Variants in XKR4 observed in about 807,000 individuals in gnomAD.
The protein encoded by XKR4 is XK-related protein 4.
In XKR4, 12 loss-of-function variants were observed where a neutral mutation model predicts 53.9. That is an observed-to-expected ratio of 0.22 (90% CI 0.14 to 0.36). The LOEUF is 0.36. Ranked by LOEUF, XKR4 falls within the 10% of genes least tolerant of loss-of-function variation. The pLI is 1.00. For missense variants in XKR4, 799 were observed against 859.5 expected, an observed-to-expected ratio of 0.93 and a Z score of 0.88; for synonymous variants, 354 against 362.4, an observed-to-expected ratio of 0.98 and a Z score of 0.26.
chr8:55,360,271 A>G (rs1803881187), intron 2 of XKR4, among the ~76,000 whole-genome samples: 1 of 152,214 alleles, frequency 6.6e-6, no homozygotes, highest in South Asian at 2.1e-4. Flanking sequence ...CAGCCCAGGC[A>G]ACACTCTGTG....
chr8:55,248,800 C>T (rs569455917), intron 1 of XKR4, among the ~76,000 whole-genome samples: 1 of 152,140 alleles, frequency 6.6e-6, no homozygotes, highest in Non-Finnish European at 1.5e-5. Context: ...GGGTCTCCTG[C>T]CTGCAGGCTG....
intron 2 of XKR4, among the ~76,000 whole-genome samples, chr8:55,360,841 G>T (rs1254010808): frequency 6.6e-6 from 1 of 152,242 alleles, no homozygotes; most frequent in Non-Finnish European, 1.5e-5. Context: ...AACACTGTCA[G>T]CTGCTTCTCC....
At chr8:55,133,476 G>T (rs1033137771) in intron 1 of XKR4, among the ~76,000 whole-genome samples, 1 of 152,128 alleles carries the variant, frequency 6.6e-6, no homozygotes, top group African/African-American at 2.4e-5. Context: ...TCAGTTCAAT[G>T]GTTGGTCTAA....
intron 1 of XKR4, among the ~76,000 whole-genome samples, chr8:55,205,956 C>T (rs187105568): frequency 8.3e-4 from 127 of 152,268 alleles, no homozygotes; most frequent in African/African-American, 2.6e-3. Flanking sequence ...TTCGTGGTCT[C>T]GCTGACTTCA....
intron 2 of XKR4, among the ~76,000 whole-genome samples, chr8:55,505,591 G>A (rs1482407409): frequency 6.6e-6 from 1 of 152,136 alleles, no homozygotes; most frequent in African/African-American, 2.4e-5. Context: ...TAAAGAGTAT[G>A]TAGTTTAATT....
intron 2 of XKR4, among the ~76,000 whole-genome samples, chr8:55,405,776 A>G (rs1174508681): frequency 6.6e-6 from 1 of 152,220 alleles, no homozygotes; most frequent in Non-Finnish European, 1.5e-5. Context: ...ACCTTATCAA[A>G]ACAGAGACAT....
intron 1 of XKR4, among the ~76,000 whole-genome samples, chr8:55,349,558 C>G (rs1803698580): frequency 6.6e-6 from 1 of 152,036 alleles, no homozygotes; most frequent in Non-Finnish European, 1.5e-5. Flanking sequence ...ATTTTGTTAC[C>G]ACGGTCCGTG....
Position 55,103,142 on chromosome 8 carries a change from C to T in XKR4, c.654C>T (p.Asn218=). The T allele has an allele frequency of 1.2e-6, 2 of 1,613,936 alleles. No individual in the cohort carries two copies. Among genetic ancestry groups the T allele is most frequent in the East Asian group, 2.2e-5 (1 of 44,858 alleles). ...CCACGCCGCAAAGGCAAGCATCTAA[C>T]GCCAGCAAGAGCAACATCGCCGCGG... ...RPSTPQRQAS[N]ASKSNIAAAN... Residue 218 remains asparagine, a synonymous_variant, in exon 1 of 3, where the codon AAC becomes AAT. Transcript: ENST00000327381.
chr8:55,352,616 A>C (rs1434868950), intron 1 of XKR4, among the ~76,000 whole-genome samples: 1 of 152,212 alleles, frequency 6.6e-6, no homozygotes, highest in African/African-American at 2.4e-5. Context: ...GCATTTACTG[A>C]ATGCTTACTA....
chr8:55,235,754 C>T (rs1818111205), intron 1 of XKR4, among the ~76,000 whole-genome samples: 1 of 152,072 alleles, frequency 6.6e-6, no homozygotes, highest in Non-Finnish European at 1.5e-5. Context: ...AAAATGTAAG[C>T]CAAACCAGTG....
At chr8:55,296,309 G>C (rs1036066914) in intron 1 of XKR4, among the ~76,000 whole-genome samples, 2 of 152,146 alleles carry the variant, frequency 1.3e-5, no homozygotes, top group African/African-American at 4.8e-5. Context: ...GCCACCCTCA[G>C]CTACTGCTAG....
chr8:55,432,260 A>G (rs1805114590), intron 2 of XKR4, among the ~76,000 whole-genome samples: 2 of 152,182 alleles, frequency 1.3e-5, no homozygotes. Context: ...TTTACTAGCT[A>G]TGTGACTTTG....
Position 55,427,138 on chromosome 8 carries a change from T to C in XKR4, c.1006+69261T>C, listed in dbSNP as rs542428043. Reference sequence around the variant, plus strand: ...AACATGTATTGGATAATAGCAGCATTATTGAATTTGATGTTCAGCAGTTAT... The same window carrying C: ...AACATGTATTGGATAATAGCAGCATCATTGAATTTGATGTTCAGCAGTTAT... On this transcript the variant is annotated intron_variant, in intron 2 of 2. Transcript: ENST00000327381. Among the ~76,000 whole-genome samples the C allele has an allele frequency of 3.3e-4, 50 of 152,334 alleles. 1 individual carries two copies. Among genetic ancestry groups the C allele is most frequent in the South Asian group, 1.2e-3 (6 of 4,824 alleles).
In XKR4 at chr8:55,451,473, C is replaced by G; in HGVS notation, c.1007-71808C>G. On this transcript the variant is annotated intron_variant, in intron 2 of 2. Coordinates refer to ENST00000327381, the MANE Select transcript of XKR4 (RefSeq NM_052898.2). The stretch of plus-strand genomic sequence containing the variant: ...GGTACTTCTCCTGCTCCAGGCTACT[C>G]GAGTCTGCCTGGAACTGGCCTGGAG... 3 of 1,239,842 alleles carry G rather than the reference C, an allele frequency of 2.4e-6. No homozygotes were observed. The South Asian group carries it at 3.9e-5, about 16-fold the overall frequency. The allele number at this position is 1,239,842 out of a possible 1,614,324, so 76.8% of individuals were successfully genotyped here.
chr8:55,104,364 C>T (rs1461687923), intron 1 of XKR4, among the ~76,000 whole-genome samples: 1 of 152,094 alleles, frequency 6.6e-6, no homozygotes, highest in African/African-American at 2.4e-5. Context: ...GTGGTATAAG[C>T]GAAATGAGGA....
chr8:55,124,635 T>C (rs992643780), intron 1 of XKR4, among the ~76,000 whole-genome samples: 8 of 152,226 alleles, frequency 5.3e-5, no homozygotes, highest in Admixed American at 5.2e-4. Flanking sequence ...TCTCAATAAT[T>C]TAGTGACATT....
chr8:55,454,668 G>C (rs560323334), intron 2 of XKR4: 2 of 968,404 alleles, frequency 2.1e-6, no homozygotes, highest in African/African-American at 1.6e-5. Context: ...TCCCAATTAC[G>C]TTCCCTGGGA....
intron 2 of XKR4, among the ~76,000 whole-genome samples, chr8:55,470,966 G>A (rs1267327836): frequency 6.6e-6 from 1 of 152,120 alleles, no homozygotes; most frequent in Non-Finnish European, 1.5e-5. Context: ...AGACAATGTG[G>A]CACCATCAGG....
chr8:55,478,992 T>G (rs1286784162), intron 2 of XKR4, among the ~76,000 whole-genome samples: 2 of 151,948 alleles, frequency 1.3e-5, no homozygotes, highest in Admixed American at 6.6e-5. Flanking sequence ...ACAGATCAAC[T>G]AAACAGAAAG....
Sources: allele counts gnomAD v4.1 joint callset (sites outside exome capture counted in the v4.1 genomes callset), GRCh38; gene constraint gnomAD v4.1.1; transcripts MANE v1.5; gene names NCBI Gene and HGNC (gene_info 2026-07-23, HGNC 2026-07-21).